Variants in OXTR observed in about 807,000 individuals in gnomAD.
The protein encoded by OXTR is oxytocin receptor.
Under a neutral mutation model 23.9 loss-of-function variants are expected in OXTR, and 19 were observed. The ratio of observed to expected loss-of-function variants is 0.80; its 90% confidence interval spans 0.56 to 1.17. The LOEUF (loss-of-function observed/expected upper bound fraction) is 1.17. Among genes scored for constraint, OXTR ranks in the 50% most tolerant of loss-of-function variants. The pLI is 0.00. For synonymous variants in OXTR, 278 were observed against 250.5 expected (o/e 1.11, Z -1.04); for missense variants, 500 against 550.7 (o/e 0.91, Z 0.92).
rs112378811 is a variant in OXTR at position 8,761,343 on chromosome 3, A to G, written c.922+5923T>C. ...TGTGTACCTCGGTGTGTGTGTGTGT[A>G]GGTGTTGCAGGAAGAGCCCAAGATG... On this transcript the variant is annotated intron_variant, in intron 3 of 3. Transcript: ENST00000316793. Among the ~76,000 whole-genome samples the G allele has an allele frequency of 6.1e-3, 924 of 152,106 alleles. 13 individuals are homozygous for G. The highest frequency in any genetic ancestry group is 0.021 in the African/African-American group (878 of 41,494).
Position 8,760,826 on chromosome 3 carries a change from G to A in OXTR, c.922+6440C>T, listed in dbSNP as rs142784002. 3.7e-4 allele frequency among the ~76,000 whole-genome samples: 57 copies of A among 152,302 alleles called. No individual in the cohort carries two copies. In the East Asian group the frequency reaches 0.011, roughly 28 times the overall value. On this transcript the variant is annotated intron_variant, in intron 3 of 3. Coordinates refer to ENST00000316793, the MANE Select transcript of OXTR (RefSeq NM_000916.4). ...AACTTGTGGAAAGCGGCAAATCATC[G>A]GGCCTGGCTGGGGGTACACAAGGCA...
chr3:8,761,481 G>A (rs866020309), intron 3 of OXTR, among the ~76,000 whole-genome samples: 15 of 152,066 alleles, frequency 9.9e-5, no homozygotes, highest in Admixed American at 5.2e-4. Context: ...GTAGATCATC[G>A]GGAAAACTGC....
chr3:8,745,973 C>G, downstream of OXTR: 1 of 847,504 alleles, frequency 1.2e-6, no homozygotes. The surrounding 1 kb of genome is among the most constrained non-coding windows in gnomAD (Gnocchi z 4.8). Flanking sequence ...TCTTTAGGGA[C>G]TGCTCCATAC....
chr3:8,746,166 T>C (rs979677804), downstream of OXTR: 1 of 328,558 alleles, frequency 3.0e-6, no homozygotes, highest in Non-Finnish European at 5.7e-6. Context: ...TGTAACAACA[T>C]AAACCAGCAC....
intron 3 of OXTR, among the ~76,000 whole-genome samples, chr3:8,759,471 A>G (rs1384373027): frequency 6.6e-6 from 1 of 152,232 alleles, no homozygotes; most frequent in African/African-American, 2.4e-5. Context: ...GAAGAGTTCA[A>G]TAAGGAGCTG....
chr3:8,762,910 T>C (rs1344399871), intron 3 of OXTR, among the ~76,000 whole-genome samples: 1 of 152,232 alleles, frequency 6.6e-6, no homozygotes, highest in African/African-American at 2.4e-5. Context: ...CAGCTCTTCA[T>C]GGCCATCCCT....
chr3:8,745,452 T>TGCAC, downstream of OXTR: 1 of 1,155,736 alleles, frequency 8.7e-7, no homozygotes, highest in Admixed American at 1.8e-5. The surrounding 1 kb of genome is among the most constrained non-coding windows in gnomAD (Gnocchi z 4.8). Context: ...TTCTGACACA[T>TGCAC]GCACGCACAC....
chr3:8,753,334 G>T, intron 3 of OXTR, 110 bp from the exon 4 acceptor site: 1 of 1,271,944 alleles, frequency 7.9e-7, no homozygotes, highest in Non-Finnish European at 1.1e-6. Context: ...CCTTGTCCAA[G>T]TACTACATCC....
Position 8,768,284 on chromosome 3 carries a change from G to C in OXTR, c.-97C>G. ...GTGTCGGAGGGTGTAGGGGCGCCCG[G>C]GGCTCCACTCCTGGAGACTCCACGG... On this transcript the variant is annotated 5_prime_UTR_variant, in exon 3 of 4. Coordinates refer to ENST00000316793, the MANE Select transcript of OXTR (RefSeq NM_000916.4). The surrounding 1 kb of genome is among the most constrained non-coding windows in gnomAD (Gnocchi z 5.4). 1 of 1,229,246 alleles carries C rather than the reference G, an allele frequency of 8.1e-7. No individual in the cohort carries two copies. The highest frequency in any genetic ancestry group is 3.8e-5 in the South Asian group (1 of 26,030). 76.1% of individuals were successfully genotyped at this position (1,229,246 alleles called of 1,614,324 possible).
chr3:8,753,637 C>T (rs1485255547), intron 3 of OXTR, among the ~76,000 whole-genome samples: 2 of 152,190 alleles, frequency 1.3e-5, no homozygotes, highest in East Asian at 1.9e-4. Flanking sequence ...AGTTTGCATG[C>T]TAGCCTCACC....
rs1424666216 is a variant in OXTR, at chr3:8,767,546, G to C, written c.642C>G (p.Ile214Met). The C allele has an allele frequency of 6.2e-7, 1 of 1,613,174 alleles. No individual in the cohort carries two copies. Among genetic ancestry groups the C allele is most frequent in the African/African-American group, 1.3e-5 (1 of 74,906 alleles). The change falls in exon 3 of 4, where the codon ATC (isoleucine) becomes ATG (methionine). Residue 214 changes from isoleucine (I) to methionine (M), a missense_variant. Coordinates refer to ENST00000316793, the MANE Select transcript of OXTR (RefSeq NM_000916.4). ...TAAGGCCGTAGCAGGCAGCGAGCAC[G>C]ATGACCGGCACGATGTAGACAGCTA... Reference protein sequence around the residue: ...ITLAVYIVPVIVLAACYGLIS... With the variant: ...ITLAVYIVPVMVLAACYGLIS...
Position 8,767,287 on chromosome 3 carries a change from C to T in OXTR, c.901G>A (p.Asp301Asn), listed in dbSNP as rs774370884. Reference protein sequence around the residue: ...FFFVQMWSVWDANAPKEASAF... With the variant: ...FFFVQMWSVWNANAPKEASAF... ...CTACCTTCCTTGGGCGCGTTGGCAT[C>T]CCAGACGCTCCACATCTGCACGAAG... Residue 301 changes from aspartate to asparagine, a missense_variant, in exon 3 of 4, where the codon GAT becomes AAT. Coordinates refer to ENST00000316793, the MANE Select transcript of OXTR (RefSeq NM_000916.4). 8 of 1,562,088 alleles carry T rather than the reference C, an allele frequency of 5.1e-6. No individual in the cohort carries two copies. The Admixed American group carries it at 1.6e-4, about 30-fold the overall frequency.
At chr3:8,759,048 C>T (rs62243365) in intron 3 of OXTR, among the ~76,000 whole-genome samples, 1 of 152,198 alleles carries the variant, frequency 6.6e-6, no homozygotes, top group African/African-American at 2.4e-5. Context: ...GGGCCCCACC[C>T]CAGACCTACT....
chr3:8,767,414 C>T lies in OXTR; in HGVS notation c.774G>A (p.Ala258=), dbSNP rs760741282. The T allele has an allele frequency of 6.8e-6, 11 of 1,609,632 alleles. No individual in the cohort carries two copies. Among genetic ancestry groups the T allele is most frequent in the Non-Finnish European group, 8.5e-6 (10 of 1,178,108 alleles). Residue 258 remains alanine (A), a synonymous_variant, in exon 3 of 4, where the codon GCG becomes GCA. Transcript: ENST00000316793. ...AAGDGGRVAL[A]RVSSVKLISK... The stretch of plus-strand genomic sequence containing the variant: ...AGATGAGCTTGACGCTGCTGACACG[C>T]GCCAGGGCCACGCGCCCCCCATCGC...
Position 8,751,493 on chromosome 3 carries a change from T to C in OXTR, c.*1484A>G, listed in dbSNP as rs199779205. The C allele has an allele frequency of 1.3e-5, 2 of 152,212 alleles. No individual in the cohort carries two copies. Among genetic ancestry groups the C allele is most frequent in the African/African-American group, 4.8e-5 (2 of 41,460 alleles). 9.4% of individuals were successfully genotyped at this position (152,212 alleles called of 1,614,324 possible). A position where few individuals can be genotyped will look rare whatever the true frequency, so the allele number is the denominator to read the frequency against. On this transcript the variant is annotated 3_prime_UTR_variant, in exon 4 of 4. Coordinates refer to ENST00000316793, the MANE Select transcript of OXTR (RefSeq NM_000916.4). ...TACAAAGATCTATGCCTATGTTTCT[T>C]TCTAAGATTTTATAGTTTCAGCTCT...
At chr3:8,756,773 C>A (rs980388230) in intron 3 of OXTR, among the ~76,000 whole-genome samples, 1 of 152,226 alleles carries the variant, frequency 6.6e-6, no homozygotes, top group African/African-American at 2.4e-5. Context: ...CTGCTTAGTG[C>A]AAATGTGCAA....
the OXTR span, among the ~76,000 whole-genome samples, chr3:8,743,055 G>A: frequency 6.6e-6 from 1 of 151,910 alleles, no homozygotes; most frequent in South Asian, 2.1e-4. Flanking sequence ...GAGCTGCCGG[G>A]TTCTTTTAAA....
chr3:8,752,724 C>T lies in OXTR; in HGVS notation c.*253G>A. ...AGTCCAGGAGAAAAAACAAGCCACTCACTGCCCAGGGCAGCAGTGGGTTCA... is the reference window on the plus strand; with the variant it reads ...AGTCCAGGAGAAAAAACAAGCCACTTACTGCCCAGGGCAGCAGTGGGTTCA... On this transcript the variant is annotated 3_prime_UTR_variant, in exon 4 of 4. Transcript: ENST00000316793. 2.2e-6 allele frequency: 1 copy of T among 458,806 alleles called. No homozygotes were observed. The highest frequency in any genetic ancestry group is 3.8e-6 in the Non-Finnish European group (1 of 259,758). 28.4% of individuals were successfully genotyped at this position (458,806 alleles called of 1,614,324 possible). A position where few individuals can be genotyped will look rare whatever the true frequency, so the allele number is the denominator to read the frequency against.
downstream of OXTR, among the ~76,000 whole-genome samples, chr3:8,749,218 G>A (rs1708214472): frequency 6.6e-6 from 1 of 152,088 alleles, no homozygotes; most frequent in Non-Finnish European, 1.5e-5. Flanking sequence ...TATATCCAGT[G>A]GGGCTATTGA....
Sources: gnomAD v4.1 joint callset for allele counts (sites outside exome capture counted in the v4.1 genomes callset) on GRCh38, gnomAD v4.1.1 for gene constraint, Gnocchi (gnomAD v3.1) non-coding constraint, MANE v1.5 for transcripts, NCBI Gene and HGNC (gene_info 2026-07-23, HGNC 2026-07-21) for gene names.